LANCL2: variants seen among roughly 807,000 people sequenced by gnomAD.
LANCL2 encodes lanC-like protein 2.
A neutral mutation model predicts 56.9 loss-of-function variants in LANCL2; 33 were observed. The ratio of observed to expected loss-of-function variants is 0.58; its 90% CI spans 0.44 to 0.78. LANCL2 has a LOEUF of 0.78. LANCL2 is among the 30% of genes least tolerant of loss of function. The probability of loss-of-function intolerance (pLI) is 0.00; values close to 1 mark genes in which losing one functional copy is unlikely to be tolerated. For missense variants in LANCL2, 562 were observed against 580.2 expected (o/e 0.97, Z 0.32); for synonymous variants, 233 against 228.2 (o/e 1.02, Z -0.19).
At chr7:55,396,404 G>A (rs895910126) in intron 2 of LANCL2, among the ~76,000 whole-genome samples, 3 of 152,202 alleles carry the variant, frequency 2.0e-5, no homozygotes, top group Admixed American at 6.5e-5. Flanking sequence ...AGGGTTTATC[G>A]CAGCCCCGCC....
chr7:55,411,004 T>C (rs1790464670), intron 5 of LANCL2, among the ~76,000 whole-genome samples: 1 of 152,140 alleles, frequency 6.6e-6, no homozygotes, highest in African/African-American at 2.4e-5. Context: ...TCTGAAGGCA[T>C]TGTGTGGCAT....
rs919799075 is a variant in LANCL2, at chr7:55,428,281, C to T, written c.1186-94C>T. 10 of 1,137,430 alleles carry T rather than the reference C, an allele frequency of 8.8e-6. No individual in the cohort carries two copies. The Middle Eastern group carries it at 7.7e-4, about 88-fold the overall frequency. 70.5% of individuals were successfully genotyped at this position (1,137,430 alleles called of 1,614,324 possible). A position where few individuals can be genotyped will look rare whatever the true frequency, so the allele number is the denominator to read the frequency against. Reference sequence around the variant, plus strand: ...TGAATGCCCTACAGCTGGGGGTCCACTTCCCTGATGCCTGTGAAGACATTG... The same window carrying T: ...TGAATGCCCTACAGCTGGGGGTCCATTTCCCTGATGCCTGTGAAGACATTG... On this transcript the variant is annotated intron_variant, in intron 7 of 8. Transcript: ENST00000254770.
chr7:55,411,741 TG>T (rs1248405133), intron 5 of LANCL2, among the ~76,000 whole-genome samples, 165 bp from the exon 6 acceptor site: 2 of 152,244 alleles, frequency 1.3e-5, no homozygotes, highest in African/African-American at 2.4e-5. Context: ...TTCAAACAGT[TG>T]AAACAAGTTT....
At chr7:55,368,382 G>C (rs1216095014) in intron 1 of LANCL2, among the ~76,000 whole-genome samples, 1 of 152,232 alleles carries the variant, frequency 6.6e-6, no homozygotes, top group African/African-American at 2.4e-5. Flanking sequence ...ACCTATGCCA[G>C]TGGTTGTGAG....
intron 1 of LANCL2, among the ~76,000 whole-genome samples, chr7:55,380,193 A>G (rs1790050468): frequency 6.6e-6 from 1 of 152,238 alleles, no homozygotes; most frequent in Non-Finnish European, 1.5e-5. Flanking sequence ...ATATAATGTC[A>G]AAGGGGAAAG....
intron 2 of LANCL2, among the ~76,000 whole-genome samples, chr7:55,397,700 T>C (rs1220433764): frequency 3.3e-5 from 5 of 149,374 alleles, no homozygotes; most frequent in Non-Finnish European, 7.4e-5. Context: ...TATTGTCTTC[T>C]CGAACCCAGA....
At chr7:55,414,309 C>T (rs1194853573) in intron 6 of LANCL2, among the ~76,000 whole-genome samples, 1 of 150,810 alleles carries the variant, frequency 6.6e-6, no homozygotes, top group Non-Finnish European at 1.5e-5. Context: ...TAGGGAAGTA[C>T]AGCTCTACAC....
At position 55,366,062 on chromosome 7, in the gene LANCL2, C is replaced by T. The variant is rs375065869; in HGVS notation, c.37C>T (p.Leu13=). 51 of 1,526,044 alleles carry T rather than the reference C, an allele frequency of 3.3e-5. 1 individual carries two copies. The East Asian group carries it at 7.4e-4, about 22-fold the overall frequency. 94.5% of individuals were successfully genotyped at this position (1,526,044 alleles called of 1,614,324 possible). Residue 13 remains leucine (L), a synonymous_variant, in exon 1 of 9, where the codon CTG becomes TTG. Transcript: ENST00000254770. The stretch of plus-strand genomic sequence containing the variant: ...CATGTCAAAGAGGCTGAAGCTCCAC[C>T]TGGGAGGGGAGGCAGAAATGGAGGA... ...ETMSKRLKLH[L]GGEAEMEERA...
At chr7:55,367,688 G>GCACTC (rs1168130757) in intron 1 of LANCL2, among the ~76,000 whole-genome samples, 1 of 152,230 alleles carries the variant, frequency 6.6e-6, no homozygotes, top group Admixed American at 6.5e-5. Flanking sequence ...TTGCGCCATT[G>GCACTC]CACTCCAGCC....
chr7:55,376,476 C>T (rs987553774), intron 1 of LANCL2, among the ~76,000 whole-genome samples: 1 of 152,164 alleles, frequency 6.6e-6, no homozygotes, highest in African/African-American at 2.4e-5. Context: ...GGTACTCCCT[C>T]ATCAAAGAAA....
At chr7:55,409,275 G>A (rs886221931) in intron 5 of LANCL2, among the ~76,000 whole-genome samples, 47 of 151,260 alleles carry the variant, frequency 3.1e-4, no homozygotes, top group African/African-American at 9.0e-4. Flanking sequence ...GTATTTTTTA[G>A]TGGAGATGGG....
intron 6 of LANCL2, among the ~76,000 whole-genome samples, chr7:55,417,330 G>T (rs1790555621): frequency 6.6e-6 from 1 of 151,820 alleles, no homozygotes; most frequent in Non-Finnish European, 1.5e-5. Flanking sequence ...CATACCTTTT[G>T]TGGAAAAGAC....
At chr7:55,381,041 TTG>T (rs1233928234) in intron 1 of LANCL2, among the ~76,000 whole-genome samples, 1 of 152,012 alleles carries the variant, frequency 6.6e-6, no homozygotes, top group African/African-American at 2.4e-5. Flanking sequence ...CTGGCTAATT[TTG>T]TGTTTTTAGT....
chr7:55,372,135 T>C (rs1789950196), intron 1 of LANCL2, among the ~76,000 whole-genome samples: 2 of 152,260 alleles, frequency 1.3e-5, no homozygotes. Context: ...TGTAGCTTTA[T>C]TAAATTTTCT....
At chr7:55,385,910 C>T (rs1790120279) in intron 1 of LANCL2, among the ~76,000 whole-genome samples, 2 of 152,094 alleles carry the variant, frequency 1.3e-5, no homozygotes, top group Admixed American at 6.5e-5. Flanking sequence ...AGAGACCTAC[C>T]CCTAGGTGCG....
intron 5 of LANCL2, among the ~76,000 whole-genome samples, chr7:55,403,075 G>A (rs1790360645): frequency 1.3e-5 from 2 of 152,166 alleles, no homozygotes; most frequent in Admixed American, 1.3e-4. Context: ...CACTTTGGGG[G>A]GCCAAGGCAG....
intron 5 of LANCL2, among the ~76,000 whole-genome samples, chr7:55,405,308 G>A (rs1790392598): frequency 6.6e-6 from 1 of 152,190 alleles, no homozygotes; most frequent in East Asian, 1.9e-4. Flanking sequence ...GGGACTGGAT[G>A]AGGTGCACCC....
At chr7:55,419,075 T>A (rs964655664) in intron 6 of LANCL2, among the ~76,000 whole-genome samples, 1 of 152,122 alleles carries the variant, frequency 6.6e-6, no homozygotes, top group East Asian at 1.9e-4. Flanking sequence ...ATTTTCTTTT[T>A]CTATAAAATC....
At chr7:55,398,717 C>A in intron 3 of LANCL2, 87 bp downstream of exon 3, 1 of 1,003,920 alleles carries the variant, frequency 1.0e-6, no homozygotes, top group Non-Finnish European at 1.5e-6. Context: ...AACTATTTTT[C>A]CATTCATCCA....
Sources: gnomAD v4.1 joint callset for allele counts (sites outside exome capture counted in the v4.1 genomes callset) on GRCh38, gnomAD v4.1.1 for gene constraint, MANE v1.5 for transcripts, NCBI Gene and HGNC (gene_info 2026-07-23, HGNC 2026-07-21) for gene names.